MAML2: variants seen among roughly 807,000 people sequenced by gnomAD.
MAML2 encodes mastermind like transcriptional coactivator 2.
In MAML2, 22 loss-of-function variants were observed where a neutral mutation model predicts 96.1. That is an observed-to-expected ratio of 0.23 (90% CI 0.16 to 0.33). The LOEUF is 0.33. Ranked by LOEUF, MAML2 falls within the 10% of genes least tolerant of loss-of-function variation. MAML2 has a pLI of 1.00. For missense variants in MAML2, 1,367 were observed against 1,392.4 expected (o/e 0.98, Z 0.29); for synonymous variants, 561 against 521.3 (o/e 1.08, Z -1.04).
At chr11:96,027,321 A>G (rs146826846) in intron 2 of MAML2, among the ~76,000 whole-genome samples, 1 of 152,364 alleles carries the variant, frequency 6.6e-6, no homozygotes, top group Non-Finnish European at 1.5e-5. Context: ...AGTATATGCT[A>G]TTATAATCCC....
At chr11:96,329,242 T>C (rs1374154148) in intron 1 of MAML2, among the ~76,000 whole-genome samples, 2 of 152,156 alleles carry the variant, frequency 1.3e-5, no homozygotes, top group Non-Finnish European at 2.9e-5. Flanking sequence ...TCTACTCCTA[T>C]AAATGTGTTT....
At chr11:96,327,284 C>T (rs1332801713) in intron 1 of MAML2, among the ~76,000 whole-genome samples, 2 of 152,150 alleles carry the variant, frequency 1.3e-5, no homozygotes, top group Admixed American at 6.5e-5. Context: ...TTAGTTAAAG[C>T]CTGGACCCGA....
rs566372668 is a variant in MAML2, at chr11:96,025,108, TCA to T, written c.2140-33387_2140-33386del. 1.4e-4 allele frequency among the ~76,000 whole-genome samples: 21 copies of T among 152,286 alleles called. No homozygotes were observed. In the East Asian group the frequency reaches 3.5e-3, roughly 25 times the overall value. ...AAAGACACGTGCACTCGCATGTTTATCACAGCACTATTCACAATAGTAAAGAC... is the reference window on the plus strand; with the variant it reads ...AAAGACACGTGCACTCGCATGTTTATCAGCACTATTCACAATAGTAAAGAC... On this transcript the variant is annotated intron_variant, in intron 2 of 4. Coordinates refer to ENST00000524717, the MANE Select transcript of MAML2 (RefSeq NM_032427.4).
At chr11:96,201,434 G>A (rs1861820623) in intron 1 of MAML2, among the ~76,000 whole-genome samples, 2 of 152,122 alleles carry the variant, frequency 1.3e-5, no homozygotes, top group African/African-American at 2.4e-5. Context: ...AAACAATTAC[G>A]CTTAGTTTGG....
intron 1 of MAML2, among the ~76,000 whole-genome samples, chr11:96,330,523 A>G (rs1863839024): frequency 6.6e-6 from 1 of 152,228 alleles, no homozygotes; most frequent in Non-Finnish European, 1.5e-5. Context: ...TTCTACTTAC[A>G]AACCACCCCA....
chr11:96,335,706 T>C (rs1320853756), intron 1 of MAML2, among the ~76,000 whole-genome samples: 1 of 152,176 alleles, frequency 6.6e-6, no homozygotes, highest in Admixed American at 6.5e-5. Flanking sequence ...TAGCTGTTGA[T>C]TCCTTGGAGC....
chr11:96,274,058 C>CTTT (rs2135981345), intron 1 of MAML2, among the ~76,000 whole-genome samples: 1 of 110,822 alleles, frequency 9.0e-6, no homozygotes, highest in Non-Finnish European at 2.0e-5. Context: ...TTTCTTGTTT[C>CTTT]TTTTTCTTTT....
intron 2 of MAML2, among the ~76,000 whole-genome samples, chr11:96,008,043 T>G (rs1191588036): frequency 6.6e-6 from 1 of 150,676 alleles, no homozygotes; most frequent in Non-Finnish European, 1.5e-5. Context: ...AAAAAAATTT[T>G]TCAGTGAAAT....
chr11:96,059,529 T>C (rs1483001752), intron 2 of MAML2, among the ~76,000 whole-genome samples: 1 of 152,196 alleles, frequency 6.6e-6, no homozygotes, highest in Non-Finnish European at 1.5e-5. Context: ...AATAAAACTA[T>C]CCTATTTCGT....
intron 1 of MAML2, among the ~76,000 whole-genome samples, chr11:96,314,510 T>C (rs563875060): frequency 6.6e-6 from 1 of 152,336 alleles, no homozygotes; most frequent in African/African-American, 2.4e-5. Context: ...ACATCCTTCC[T>C]GTGGGTTGGT....
intron 2 of MAML2, among the ~76,000 whole-genome samples, chr11:96,048,069 C>T (rs564442298): frequency 5.9e-5 from 9 of 152,016 alleles, no homozygotes; most frequent in African/African-American, 2.2e-4. Context: ...GAAGCCAAGA[C>T]GTTTTAGGGT....
intron 1 of MAML2, among the ~76,000 whole-genome samples, chr11:96,164,719 G>T (rs1211592703): frequency 2.0e-5 from 3 of 152,190 alleles, no homozygotes; most frequent in African/African-American, 7.2e-5. Flanking sequence ...TAGGGTCAAA[G>T]ATCTGATGGG....
At chr11:96,091,856 C>A (rs781622085) in intron 2 of MAML2, 36 bp downstream of exon 2, 2 of 1,590,590 alleles carry the variant, frequency 1.3e-6, no homozygotes, top group Non-Finnish European at 1.7e-6. Flanking sequence ...TAAATGGTCT[C>A]TGGGAACTCT....
At chr11:96,073,321 C>A (rs200721782) in intron 2 of MAML2, among the ~76,000 whole-genome samples, 1 of 108,322 alleles carries the variant, frequency 9.2e-6, no homozygotes, top group African/African-American at 3.3e-5. Flanking sequence ...CTTTTCTTTT[C>A]TTTTTTTTTT....
chr11:96,161,892 C>T (rs149111801), intron 1 of MAML2, among the ~76,000 whole-genome samples: 9 of 152,252 alleles, frequency 5.9e-5, no homozygotes, highest in Non-Finnish European at 8.8e-5. Flanking sequence ...CATTTTGCAG[C>T]GGAGGAAAGC....
chr11:96,226,455 T>C (rs1336114455), intron 1 of MAML2, among the ~76,000 whole-genome samples: 1 of 152,226 alleles, frequency 6.6e-6, no homozygotes, highest in Non-Finnish European at 1.5e-5. Context: ...GTGACATTAA[T>C]GGGAAGAAAA....
intron 1 of MAML2, among the ~76,000 whole-genome samples, chr11:96,096,918 C>T (rs559801840): frequency 5.3e-5 from 8 of 152,182 alleles, no homozygotes; most frequent in African/African-American, 1.9e-4. Context: ...TAAAAGACAC[C>T]CATCAAAACT....
intron 2 of MAML2, among the ~76,000 whole-genome samples, chr11:96,013,740 A>C (rs1004123960): frequency 6.6e-6 from 1 of 152,186 alleles, no homozygotes; most frequent in African/African-American, 2.4e-5. Context: ...CTGTTGGAGG[A>C]GAGCCAGGGC....
At chr11:96,055,046 T>C (rs1216529860) in intron 2 of MAML2, among the ~76,000 whole-genome samples, 1 of 152,202 alleles carries the variant, frequency 6.6e-6, no homozygotes, top group East Asian at 1.9e-4. Context: ...ATCCAGCAGA[T>C]GGCATCTGCT....
Sources: gnomAD v4.1 joint callset for allele counts (sites outside exome capture counted in the v4.1 genomes callset) on GRCh38, gnomAD v4.1.1 for gene constraint, MANE v1.5 for transcripts, NCBI Gene and HGNC (gene_info 2026-07-23, HGNC 2026-07-21) for gene names.